The following CATSPERG variants were observed in gnomAD, a reference collection of about 807,000 sequenced individuals.
The protein encoded by CATSPERG is catsper channel auxiliary subunit gamma.
In CATSPERG, 115 loss-of-function variants were observed where a neutral mutation model predicts 145.0. That is an observed-to-expected ratio of 0.79 (90% CI 0.68 to 0.93). CATSPERG has a LOEUF of 0.93. Among genes scored for constraint, CATSPERG ranks in the 40% least tolerant of loss-of-function variants. The probability of loss-of-function intolerance (pLI) is 0.00; values close to 1 mark genes in which losing one functional copy is unlikely to be tolerated. For missense variants in CATSPERG, 1,296 were observed against 1,490.1 expected, an observed-to-expected ratio of 0.87 and a Z score of 2.14; for synonymous variants, 588 against 589.0, an observed-to-expected ratio of 1.00 and a Z score of 0.02.
At position 38,337,321 on chromosome 19, in the gene CATSPERG, C is replaced by A. The variant is rs61738686; in HGVS notation, c.87C>A (p.Leu29=). The change falls in exon 2 of 29, where the codon CTC becomes CTA. Residue 29 remains leucine (L), a synonymous_variant. Transcript: ENST00000409235. ...VQVLWALLAV[L]LASWRLWAIK... ...TGCTGTGGGCCCTGCTGGCAGTGCT[C>A]CTGGCGTCGTGGAGGCTGTGGGCGA... is the stretch of plus-strand genomic sequence containing the variant. The A allele has an allele frequency of 1.4e-3, 2,184 of 1,551,430 alleles. 21 individuals are homozygous for A. The African/African-American group carries it at 0.023, about 16-fold the overall frequency.
chr19:38,362,513 G>A lies in CATSPERG; in HGVS notation c.2295G>A (p.Glu765=), dbSNP rs1226976463. ...PERIFLDKGT[E]YSFAIFLSAQ... is the part of the protein sequence containing the mutation. ...GCATTTTCCTGGACAAGGGCACTGA[G>A]TACAGCTTCGCCATCTTCCTGTCGG... The change falls in exon 19 of 29, where the codon GAG becomes GAA. Residue 765 remains glutamate, a synonymous_variant. Coordinates refer to ENST00000409235, the MANE Select transcript of CATSPERG (RefSeq NM_021185.5). 16 of 1,613,822 alleles carry A rather than the reference G, an allele frequency of 9.9e-6. No homozygotes were observed. Among genetic ancestry groups the A allele is most frequent in the Non-Finnish European group, 1.3e-5 (15 of 1,180,054 alleles).
chr19:38,343,931 T>TG, intron 4 of CATSPERG, 62 bp from the exon 5 acceptor site: 2 of 1,536,806 alleles, frequency 1.3e-6, no homozygotes, highest in South Asian at 1.2e-5. Context: ...CAGGGTGGTC[T>TG]GGGGCCTGGA....
At chr19:38,346,663 C>A (rs1970047088) in intron 7 of CATSPERG, 58 bp downstream of exon 7, 1 of 1,477,788 alleles carries the variant, frequency 6.8e-7, no homozygotes, top group South Asian at 1.3e-5. Context: ...GGGCCTCAGC[C>A]CCTGAAATAA....
At position 38,336,030 on chromosome 19, in the gene CATSPERG, AG is replaced by A. The variant is rs1281413274; in HGVS notation, c.-15+159del. 5 of 286,882 alleles carry A rather than the reference AG, an allele frequency of 1.7e-5. No individual in the cohort carries two copies. The Admixed American group carries it at 1.9e-4, about 11-fold the overall frequency. 17.8% of individuals were successfully genotyped at this position (286,882 alleles called of 1,614,324 possible). On this transcript the variant is annotated intron_variant, in intron 1 of 28. Coordinates refer to ENST00000409235, the MANE Select transcript of CATSPERG (RefSeq NM_021185.5). ...GTGGGAGCTGGGAGAGGAGGGAAAG[AG>A]GGGAAGAGTCGTGGGAGCTGGCAGA...
intron 13 of CATSPERG, 22 bp downstream of exon 13, chr19:38,358,583 G>T (rs1970288298): frequency 1.2e-6 from 2 of 1,613,808 alleles, no homozygotes; most frequent in South Asian, 1.1e-5. Flanking sequence ...CCACCCCTGG[G>T]TGGGCCAGGC....
intron 28 of CATSPERG, 61 bp downstream of exon 28, chr19:38,370,319 T>C: frequency 2.0e-6 from 3 of 1,504,740 alleles, no homozygotes; most frequent in Non-Finnish European, 2.8e-6. Context: ...TCCATACCTA[T>C]GCTTGTTATA....
chr19:38,351,088 A>G (rs1328084901), intron 7 of CATSPERG, among the ~76,000 whole-genome samples: 1 of 152,314 alleles, frequency 6.6e-6, no homozygotes, highest in East Asian at 1.9e-4. Context: ...ATCTTTCCCA[A>G]GAATCACCAC....
rs894851378 is a variant in CATSPERG, at chr19:38,356,526, T to C, written c.1178T>C (p.Val393Ala). 1.2e-6 allele frequency: 2 copies of C among 1,613,550 alleles called. No homozygotes were observed. Among genetic ancestry groups the C allele is most frequent in the African/African-American group, 1.3e-5 (1 of 74,744 alleles). ...GAGATGCTGCCCAGGCAGTGGTCTG[T>C]GTGCGAGCAGATAGGAGGTACTCAT... ...SFEMLPRQWS[V>A]CEQIGVTTCS... Residue 393 changes from valine (V) to alanine (A), a missense_variant, in exon 10 of 29, where the codon GTG becomes GCG. Physicochemically the swap from Val to Ala is moderately conservative, Grantham distance 64. Coordinates refer to ENST00000409235, the MANE Select transcript of CATSPERG (RefSeq NM_021185.5).
rs1970536394 is a variant in CATSPERG, at chr19:38,370,933, T to C, written c.*141T>C. 1 of 882,294 alleles carries C rather than the reference T, an allele frequency of 1.1e-6. No homozygotes were observed. The highest frequency in any genetic ancestry group is 1.7e-6 in the Non-Finnish European group (1 of 581,294). The allele number at this position is 882,294 out of a possible 1,614,324, so 54.7% of individuals were successfully genotyped here. Reference sequence around the variant, plus strand: ...TTCTCGTTCAGACTCAAATAAAGCCTTTTTTCAGGACCAGCAGTGGGCTCT... The same window carrying C: ...TTCTCGTTCAGACTCAAATAAAGCCCTTTTTCAGGACCAGCAGTGGGCTCT... On this transcript the variant is annotated 3_prime_UTR_variant, in exon 29 of 29. Coordinates refer to ENST00000409235, the MANE Select transcript of CATSPERG (RefSeq NM_021185.5).
intron 19 of CATSPERG, 33 bp downstream of exon 19, chr19:38,362,607 C>T (rs1410307521): frequency 6.4e-7 from 1 of 1,567,662 alleles, no homozygotes; most frequent in Admixed American, 1.7e-5. Context: ...GCCCGAAGGG[C>T]GGGGCGAGGG....
At chr19:38,352,679 G>C (rs558840170) in intron 8 of CATSPERG, among the ~76,000 whole-genome samples, 75 of 149,968 alleles carry the variant, frequency 5.0e-4, no homozygotes, top group Middle Eastern at 6.8e-3. Flanking sequence ...TGAGAAGAGG[G>C]GGTGCGAGAG....
Position 38,362,798 on chromosome 19 carries a change from A to G in CATSPERG, c.2441A>G (p.Glu814Gly), listed in dbSNP as rs1189561481. ...TGCATCGAGGCCTCGGTGAAGCAGG[A>G]GGTCCTGATTAATCGCAACTCGGTG... ...PGCIEASVKQ[E>G]VLINRNSVLF... Residue 814 changes from glutamate (E) to glycine (G), a missense_variant, in exon 20 of 29, where the codon GAG (glutamate) becomes GGG (glycine). Glu to Gly is a moderately conservative substitution (Grantham distance 98). Coordinates refer to ENST00000409235, the MANE Select transcript of CATSPERG (RefSeq NM_021185.5). The G allele has an allele frequency of 1.9e-6, 3 of 1,598,906 alleles. No homozygotes were observed. In the African/African-American group the frequency reaches 4.1e-5, roughly 22 times the overall value.
At chr19:38,355,552 C>T (rs908241241) in intron 9 of CATSPERG, among the ~76,000 whole-genome samples, 2 of 151,844 alleles carry the variant, frequency 1.3e-5, no homozygotes, top group African/African-American at 4.8e-5. Flanking sequence ...CAAAAATCAG[C>T]TGAGCATGGT....
chr19:38,369,509 C>A (rs1308962882), intron 26 of CATSPERG: 4 of 231,416 alleles, frequency 1.7e-5, no homozygotes. Context: ...GATCCACCTG[C>A]CTCGGCCTCC....
chr19:38,367,329 T>C lies in CATSPERG; in HGVS notation c.2770+17T>C. The C allele has an allele frequency of 6.2e-7, 1 of 1,607,092 alleles. No individual in the cohort carries two copies. The highest frequency in any genetic ancestry group is 2.2e-5 in the East Asian group (1 of 44,874). On this transcript the variant is annotated intron_variant, in intron 23 of 28. Coordinates refer to ENST00000409235, the MANE Select transcript of CATSPERG (RefSeq NM_021185.5). Reference sequence around the variant, plus strand: ...TCCGGGACAGTGTGTGTCCAGTCCCTTCCCCTGCACAGTTCACTGCCCTCT... The same window carrying C: ...TCCGGGACAGTGTGTGTCCAGTCCCCTCCCCTGCACAGTTCACTGCCCTCT...
At chr19:38,369,743 A>C in intron 26 of CATSPERG, 1 of 570,620 alleles carries the variant, frequency 1.8e-6, no homozygotes. Context: ...TGACAGAGGA[A>C]TTGACAGATG....
At chr19:38,342,171 T>A (rs543285420) in intron 3 of CATSPERG, among the ~76,000 whole-genome samples, 77 of 148,792 alleles carry the variant, frequency 5.2e-4, no homozygotes, top group Non-Finnish European at 9.8e-4. Flanking sequence ...AGGCCAAGAG[T>A]TCAAGACCAA....
rs761732467 is a variant in CATSPERG at position 38,370,542 on chromosome 19, T to G, written c.3230T>G (p.Phe1077Cys). Reference sequence around the variant, plus strand: ...TCCCTGCAGGTGTCAGCTAGCGTGTTTGTGGGCCTGGTGATCTTCTACATC... The same window carrying G: ...TCCCTGCAGGTGTCAGCTAGCGTGTGTGTGGGCCTGGTGATCTTCTACATC... ...LFIIMVSASVFVGLVIFYIAF... is the reference protein window; with the variant it reads ...LFIIMVSASVCVGLVIFYIAF... The change falls in exon 29 of 29, where the codon TTT (phenylalanine) becomes TGT (cysteine). Residue 1077 changes from phenylalanine (F) to cysteine (C), a missense_variant. Coordinates refer to ENST00000409235, the MANE Select transcript of CATSPERG (RefSeq NM_021185.5). 1 of 1,614,178 alleles carries G rather than the reference T, an allele frequency of 6.2e-7. No individual in the cohort carries two copies. Among genetic ancestry groups the G allele is most frequent in the South Asian group, 1.1e-5 (1 of 91,076 alleles).
At chr19:38,351,502 G>A (rs1490384158) in intron 7 of CATSPERG, among the ~76,000 whole-genome samples, 1 of 151,992 alleles carries the variant, frequency 6.6e-6, no homozygotes, top group South Asian at 2.1e-4. Flanking sequence ...CAGCTACTCG[G>A]GAAGCTGAGG....
Sources: gnomAD v4.1 joint callset for allele counts (sites outside exome capture counted in the v4.1 genomes callset) on GRCh38, gnomAD v4.1.1 for gene constraint, MANE v1.5 for transcripts, NCBI Gene and HGNC (gene_info 2026-07-23, HGNC 2026-07-21) for gene names.